TBC1D5: variants seen among roughly 807,000 people sequenced by gnomAD.
TBC1D5 encodes the protein TBC1 domain family member 5, also known as TBC1 domain family, member 5.
Under a neutral mutation model 100.3 loss-of-function variants are expected in TBC1D5, and 75 were observed. That is an observed-to-expected ratio of 0.75 (90% CI 0.62 to 0.91). The LOEUF (loss-of-function observed/expected upper bound fraction) is 0.91. Ranked by LOEUF, TBC1D5 falls within the 40% of genes least tolerant of loss-of-function variation. TBC1D5 has a pLI of 0.00. For missense variants in TBC1D5, 910 were observed against 942.4 expected, an observed-to-expected ratio of 0.97 and a Z score of 0.45; for synonymous variants, 323 against 325.6, an observed-to-expected ratio of 0.99 and a Z score of 0.09.
rs184684008 is a variant in TBC1D5 at position 17,719,469 on chromosome 3, G to T, written c.-101+19874C>A. Among the ~76,000 whole-genome samples, 154 of 152,004 alleles carry T rather than the reference G, an allele frequency of 1.0e-3. 2 individuals are homozygous for T. In the South Asian group the frequency reaches 0.018, roughly 18 times the overall value. ...AAACTTAAAAATCTAGATTTCTTTT[G>T]TTTAACCTCAGTTTTCTTAACAGTA... On this transcript the variant is annotated intron_variant, in intron 1 of 21. Coordinates refer to ENST00000253692, the Ensembl canonical transcript of TBC1D5.
intron 17 of TBC1D5, among the ~76,000 whole-genome samples, chr3:17,220,177 T>A (rs9631485): frequency 0.039 from 5,944 of 152,252 alleles, 196 homozygotes; most frequent in East Asian, 0.18. Context: ...TAGAATTATA[T>A]AAGTGGAACT....
rs187641076 is a variant in TBC1D5 at position 17,251,257 on chromosome 3, A to C, written c.1331+7249T>G. ...GGAACCTTTGATAAAGTTCCTGTTA[A>C]GCTACTTAAGGCCTAGGATGCTTTC... On this transcript the variant is annotated intron_variant, in intron 16 of 21. Coordinates refer to ENST00000253692, the Ensembl canonical transcript of TBC1D5. Among the ~76,000 whole-genome samples, 66 of 152,122 alleles carry C rather than the reference A, an allele frequency of 4.3e-4. 2 individuals carry two copies. Among genetic ancestry groups the C allele is most frequent in the Non-Finnish European group, 3.7e-4 (25 of 67,998 alleles).
intron 19 of TBC1D5, among the ~76,000 whole-genome samples, chr3:17,178,512 CCTTTT>C (rs1366779073): frequency 3.3e-5 from 5 of 151,484 alleles, no homozygotes; most frequent in East Asian, 2.0e-4. Flanking sequence ...GATTTCCTTT[CCTTTT>C]GAGTATATAC....
At chr3:17,610,954 G>A (rs1577007145) in intron 2 of TBC1D5, among the ~76,000 whole-genome samples, 2 of 152,238 alleles carry the variant, frequency 1.3e-5, no homozygotes, top group East Asian at 3.9e-4. Context: ...AGGTTGCAGT[G>A]AGCCGAGACC....
chr3:17,277,171 T>C (rs1195752264), intron 15 of TBC1D5, among the ~76,000 whole-genome samples: 1 of 152,220 alleles, frequency 6.6e-6, no homozygotes, highest in Non-Finnish European at 1.5e-5. Context: ...TATTTTATTC[T>C]CAAGAAGAAA....
intron 3 of TBC1D5, among the ~76,000 whole-genome samples, chr3:17,484,920 T>C (rs1356125220): frequency 5.9e-5 from 9 of 152,184 alleles, no homozygotes; most frequent in African/African-American, 2.2e-4. Flanking sequence ...CTACTTGAAC[T>C]GTCTTAATAA....
chr3:17,681,104 G>A (rs1430657720), intron 1 of TBC1D5, among the ~76,000 whole-genome samples: 2 of 151,404 alleles, frequency 1.3e-5, no homozygotes, highest in Non-Finnish European at 2.9e-5. Context: ...TACTCTGAGA[G>A]CCCACACATA....
chr3:17,670,037 C>T (rs1013347837), intron 1 of TBC1D5, among the ~76,000 whole-genome samples: 1 of 152,140 alleles, frequency 6.6e-6, no homozygotes, highest in African/African-American at 2.4e-5. Context: ...AGGCGCACGC[C>T]GCCATGCCCA....
intron 15 of TBC1D5, among the ~76,000 whole-genome samples, chr3:17,282,847 AAATT>A (rs1333915958): frequency 6.6e-6 from 1 of 152,242 alleles, no homozygotes; most frequent in Non-Finnish European, 1.5e-5. Context: ...AACATTATAT[AAATT>A]AATGCCAAAT....
At chr3:17,698,046 C>A (rs35997387) in intron 1 of TBC1D5, among the ~76,000 whole-genome samples, 74,976 of 150,318 alleles carry the variant, frequency 0.5, 20,061 homozygotes, top group East Asian at 0.94. Flanking sequence ...AAACTACTTT[C>A]AAGTTCATAT....
intron 15 of TBC1D5, among the ~76,000 whole-genome samples, chr3:17,265,300 A>G (rs955528181): frequency 1.3e-5 from 2 of 152,218 alleles, no homozygotes; most frequent in Non-Finnish European, 2.9e-5. Context: ...TATTTACAGT[A>G]TAATGTATGT....
chr3:17,392,690 G>T (rs2093387870), intron 8 of TBC1D5, among the ~76,000 whole-genome samples: 1 of 152,096 alleles, frequency 6.6e-6, no homozygotes, highest in South Asian at 2.1e-4. Context: ...CAAAGGACAT[G>T]AACTCATCCT....
intron 19 of TBC1D5, among the ~76,000 whole-genome samples, chr3:17,180,987 C>T (rs114756668): frequency 0.016 from 2,340 of 150,840 alleles, 59 homozygotes; most frequent in African/African-American, 0.048. Context: ...TGGAACTTTG[C>T]GAAAATAATT....
At chr3:17,491,752 T>A (rs1056336411) in intron 3 of TBC1D5, among the ~76,000 whole-genome samples, 1 of 152,182 alleles carries the variant, frequency 6.6e-6, no homozygotes, top group Non-Finnish European at 1.5e-5. Flanking sequence ...GATGTTGCCT[T>A]AAGTTTTCTG....
chr3:17,399,059 T>C (rs1206600310), intron 8 of TBC1D5, among the ~76,000 whole-genome samples: 1 of 152,114 alleles, frequency 6.6e-6, no homozygotes, highest in Non-Finnish European at 1.5e-5. Context: ...GGAAGCAGCA[T>C]TCCAGCAGAG....
In TBC1D5 at chr3:17,589,854, C is replaced by T. The variant is rs577329318; in HGVS notation, c.-36+33995G>A. Among the ~76,000 whole-genome samples the T allele has an allele frequency of 3.3e-5, 5 of 152,212 alleles. No homozygotes were observed. In the South Asian group the frequency reaches 1.0e-3, roughly 32 times the overall value. On this transcript the variant is annotated intron_variant, in intron 2 of 21. Transcript: ENST00000253692. ...TATATTTTACTTGGGGAGACAGCATCCAATAACCATGTGAATACCTACCTG... is the reference window on the plus strand; with the variant it reads ...TATATTTTACTTGGGGAGACAGCATTCAATAACCATGTGAATACCTACCTG...
chr3:17,229,821 G>A (rs2075262094), intron 17 of TBC1D5, among the ~76,000 whole-genome samples: 1 of 152,158 alleles, frequency 6.6e-6, no homozygotes, highest in South Asian at 2.1e-4. Flanking sequence ...GTTGTGCCAA[G>A]TGGGCTGATG....
chr3:17,637,207 TTTTTTTTTTTTTA>T (rs2064037637), intron 1 of TBC1D5, among the ~76,000 whole-genome samples: 1 of 141,806 alleles, frequency 7.1e-6, no homozygotes, highest in African/African-American at 2.6e-5. Flanking sequence ...TTTTTTTTTT[TTTTTTTTTTTTTA>T]TTTAGTAGAG....
At chr3:17,539,566 C>T (rs113362669) in intron 2 of TBC1D5, among the ~76,000 whole-genome samples, 10,409 of 152,072 alleles carry the variant, frequency 0.068, 699 homozygotes, top group African/African-American at 0.18. Flanking sequence ...GGTGTCTTAT[C>T]GCTACAAAAA....
Sources: gnomAD v4.1 joint callset for allele counts (sites outside exome capture counted in the v4.1 genomes callset) on GRCh38, gnomAD v4.1.1 for gene constraint, MANE v1.5 for transcripts, NCBI Gene and HGNC (gene_info 2026-07-23, HGNC 2026-07-21) for gene names.